Variants in CHIC1 observed in about 807,000 individuals in gnomAD.
The protein encoded by CHIC1 is cysteine-rich hydrophobic domain-containing protein 1.
Under a neutral mutation model 18.5 loss-of-function variants are expected in CHIC1, and 7 were observed. That is an observed-to-expected ratio of 0.38 (90% CI 0.22 to 0.71). The LOEUF (loss-of-function observed/expected upper bound fraction) is 0.71. CHIC1 is among the 30% of genes least tolerant of loss of function. CHIC1 has a pLI of 0.49. For missense variants in CHIC1, 159 were observed against 176.9 expected, an observed-to-expected ratio of 0.90 and a Z score of 0.57; for synonymous variants, 77 against 73.5, an observed-to-expected ratio of 1.05 and a Z score of -0.25.
intron 1 of CHIC1, 64 bp downstream of exon 1, chrX:73,563,644 G>A: frequency 1.0e-6 from 1 of 983,029 alleles, no homozygotes. Flanking sequence ...AATGAGAAGT[G>A]ATCGAGGGGC....
intron 3 of CHIC1, among the ~76,000 whole-genome samples, chrX:73,658,235 A>C (rs1259004415): frequency 1.2e-5 from 1 of 85,273 alleles, no homozygotes; most frequent in African/African-American, 4.5e-5. Flanking sequence ...TCAGCTGTGA[A>C]TCCTGGTCCT....
At chrX:73,621,176 A>C (rs774507039) in intron 3 of CHIC1, among the ~76,000 whole-genome samples, 2 of 111,978 alleles carry the variant, frequency 1.8e-5, no homozygotes, top group East Asian at 5.6e-4. Context: ...TGTCTTGGCT[A>C]TACAGGCTCT....
At chrX:73,593,997 T>C (rs1461835204) in intron 3 of CHIC1, among the ~76,000 whole-genome samples, 3 of 111,495 alleles carry the variant, frequency 2.7e-5, no homozygotes, top group Non-Finnish European at 5.6e-5. Context: ...GCTGGAGTTA[T>C]TGCATTGATT....
At chrX:73,570,174 A>G (rs185260379) in intron 1 of CHIC1, among the ~76,000 whole-genome samples, 2 of 111,838 alleles carry the variant, frequency 1.8e-5, no homozygotes, top group Admixed American at 1.9e-4. Context: ...GTTGAATTGT[A>G]TAGTGCACAT....
chrX:73,676,306 G>A (rs2058062556), intron 3 of CHIC1, among the ~76,000 whole-genome samples: 1 of 112,001 alleles, frequency 8.9e-6, no homozygotes, highest in Non-Finnish European at 1.9e-5. Flanking sequence ...AAGTTCTCCT[G>A]GAGAATATCC....
intron 3 of CHIC1, among the ~76,000 whole-genome samples, chrX:73,664,851 A>T: frequency 9.0e-6 from 1 of 111,397 alleles, no homozygotes; most frequent in Non-Finnish European, 1.9e-5. Context: ...AACTCATCAT[A>T]TTCTGCCCTC....
At chrX:73,642,939 T>C (rs978036690) in intron 3 of CHIC1, among the ~76,000 whole-genome samples, 1 of 110,846 alleles carries the variant, frequency 9.0e-6, no homozygotes, top group Non-Finnish European at 1.9e-5. Context: ...TAGTATAGTT[T>C]GAAGTCAGGT....
chrX:73,583,134 C>T (rs2057535440), intron 2 of CHIC1, among the ~76,000 whole-genome samples: 1 of 111,177 alleles, frequency 9.0e-6, no homozygotes, highest in Admixed American at 9.6e-5. Context: ...TATAATTTCA[C>T]AACTATTGTT....
chrX:73,677,136 G>C (rs761665031), intron 3 of CHIC1, among the ~76,000 whole-genome samples: 1 of 111,631 alleles, frequency 9.0e-6, no homozygotes, highest in Non-Finnish European at 1.9e-5. Flanking sequence ...GTGTCAGTTC[G>C]CCCCTACTGG....
intron 3 of CHIC1, among the ~76,000 whole-genome samples, chrX:73,664,551 C>A (rs1018215166): frequency 9.0e-6 from 1 of 110,911 alleles, no homozygotes; most frequent in African/African-American, 3.3e-5. Context: ...AATAAGATAC[C>A]AGTGGCCTGG....
chrX:73,676,686 G>A (rs761104534), intron 3 of CHIC1, among the ~76,000 whole-genome samples: 24 of 110,822 alleles, frequency 2.2e-4, no homozygotes, highest in African/African-American at 3.6e-4. Flanking sequence ...AATTTCCTCC[G>A]GTAACTCAGA....
chrX:73,645,115 C>T (rs1480538566), intron 3 of CHIC1, among the ~76,000 whole-genome samples: 3 of 112,274 alleles, frequency 2.7e-5, no homozygotes, highest in Non-Finnish European at 3.8e-5. Flanking sequence ...ATCTTGGCTC[C>T]GGAAGCTGAG....
chrX:73,577,326 G>A, intron 1 of CHIC1, 81 bp from the exon 2 acceptor site: 1 of 750,055 alleles, frequency 1.3e-6, no homozygotes, highest in Non-Finnish European at 1.9e-6. Flanking sequence ...AAAATGCATG[G>A]GTTTATAACT....
rs1409444960 is a variant in CHIC1 at position 73,677,994 on chromosome X, T to C, written c.508-1332T>C. 3.6e-5 allele frequency among the ~76,000 whole-genome samples: 4 copies of C among 110,038 alleles called. No individual in the cohort carries two copies. The East Asian group carries it at 1.1e-3, about 31-fold the overall frequency. On this transcript the variant is annotated intron_variant, in intron 3 of 5. Coordinates refer to ENST00000373502, the MANE Select transcript of CHIC1 (RefSeq NM_001039840.4). ...TTATTGTGTCCTTTTGGAGGTTGTT[T>C]TTTTTTTTTTTTTGTCCTTACATTG...
chrX:73,670,257 G>T (rs966121276), intron 3 of CHIC1, among the ~76,000 whole-genome samples: 1 of 111,373 alleles, frequency 9.0e-6, no homozygotes, highest in Non-Finnish European at 1.9e-5. Flanking sequence ...CAGTCCCAAC[G>T]TGAGAACCTA....
chrX:73,633,425 GTTCCC>G (rs2057817566), intron 3 of CHIC1, among the ~76,000 whole-genome samples: 1 of 111,129 alleles, frequency 9.0e-6, no homozygotes, highest in Non-Finnish European at 1.9e-5. Flanking sequence ...ATGGTGAATA[GTTCCC>G]TTAGATGTGA....
rs187969512 is a variant in CHIC1 at position 73,611,345 on chromosome X, G to T, written c.507+26773G>T. ...TCATCCATGTCCCTACAAAGGACAT[G>T]AACTCATCATTTTTTATGGCTGCAT... On this transcript the variant is annotated intron_variant, in intron 3 of 5. Coordinates refer to ENST00000373502, the MANE Select transcript of CHIC1 (RefSeq NM_001039840.4). Among the ~76,000 whole-genome samples the T allele has an allele frequency of 9.0e-3, 972 of 108,479 alleles. 11 individuals carry two copies. Among genetic ancestry groups the T allele is most frequent in the Middle Eastern group, 0.019 (4 of 216 alleles). 94.2% of individuals were successfully genotyped at this position (108,479 alleles called of 115,157 possible). A position where few individuals can be genotyped will look rare whatever the true frequency, so the allele number is the denominator to read the frequency against.
At chrX:73,634,609 T>C (rs2057823156) in intron 3 of CHIC1, among the ~76,000 whole-genome samples, 1 of 111,428 alleles carries the variant, frequency 9.0e-6, no homozygotes, top group Non-Finnish European at 1.9e-5. Context: ...GGGTGGGCCT[T>C]GTGGTGGAGT....
intron 3 of CHIC1, among the ~76,000 whole-genome samples, chrX:73,600,545 G>C (rs1438228018): frequency 1.9e-5 from 2 of 106,043 alleles, no homozygotes; most frequent in African/African-American, 7.4e-5. Flanking sequence ...TAGCATGAAG[G>C]GTTGTTGAAT....
Sources: gnomAD v4.1 joint callset for allele counts (sites outside exome capture counted in the v4.1 genomes callset) on GRCh38, gnomAD v4.1.1 for gene constraint, MANE v1.5 for transcripts, NCBI Gene and HGNC (gene_info 2026-07-23, HGNC 2026-07-21) for gene names.